The following MCTP1 variants were observed in gnomAD, a reference collection of about 807,000 sequenced individuals.
The protein encoded by MCTP1 is multiple C2 and transmembrane domain-containing protein 1.
In MCTP1, 69 loss-of-function variants were observed where a neutral mutation model predicts 120.6. That is an observed-to-expected ratio of 0.57 (90% confidence interval 0.47 to 0.70). The LOEUF is 0.70. Ranked by LOEUF, MCTP1 falls within the 30% of genes least tolerant of loss-of-function variation. MCTP1 has a pLI of 0.00. For missense variants in MCTP1, 1,203 were observed against 1,248.8 expected (o/e 0.96, Z 0.55); for synonymous variants, 529 against 493.1 (o/e 1.07, Z -0.96).
chr5:94,777,927 C>CGTGTGCGTGTGTGTGT (rs1554095232), intron 19 of MCTP1, among the ~76,000 whole-genome samples: 1 of 148,850 alleles, frequency 6.7e-6, no homozygotes, highest in African/African-American at 2.5e-5. Context: ...AGAAAGTGTG[C>CGTGTGCGTGTGTGTGT]GTGTGTGTGT....
intron 1 of MCTP1, among the ~76,000 whole-genome samples, chr5:95,070,441 T>C (rs1195671790): frequency 2.6e-5 from 4 of 152,238 alleles, no homozygotes; most frequent in African/African-American, 9.6e-5. Flanking sequence ...TTTAGGGACC[T>C]CCAAACCTCT....
At position 95,184,162 on chromosome 5, in the gene MCTP1, T is replaced by TA. The variant is rs761713359; in HGVS notation, c.720+99693dup. On this transcript the variant is annotated intron_variant, in intron 1 of 22. Coordinates refer to ENST00000515393, the MANE Select transcript of MCTP1 (RefSeq NM_024717.7). ...CCCAGATCTTAAAGTATAATAATAA[T>TA]AATAAAAAAAGGAGTTTGGCACTTT... is the stretch of plus-strand genomic sequence containing the variant. Among the ~76,000 whole-genome samples the TA allele has an allele frequency of 1.7e-3, 263 of 151,320 alleles. 2 individuals are homozygous for TA. The highest frequency in any genetic ancestry group is 5.7e-3 in the African/African-American group (235 of 41,300).
intron 2 of MCTP1, among the ~76,000 whole-genome samples, chr5:95,009,943 C>G (rs919658451): frequency 6.6e-6 from 1 of 152,130 alleles, no homozygotes; most frequent in Admixed American, 6.5e-5. Context: ...GTGCCCGTTA[C>G]GTAGAAATGA....
At chr5:94,892,191 A>G (rs563617066) in intron 11 of MCTP1, among the ~76,000 whole-genome samples, 1 of 152,280 alleles carries the variant, frequency 6.6e-6, no homozygotes, top group South Asian at 2.1e-4. Flanking sequence ...GGAGAAAATT[A>G]ATGTCACACC....
chr5:94,953,753 T>TAC (rs1821250202), intron 2 of MCTP1, among the ~76,000 whole-genome samples: 1 of 145,736 alleles, frequency 6.9e-6, no homozygotes, highest in Admixed American at 7.0e-5. Flanking sequence ...TAAAATGTGA[T>TAC]ATATATATAT....
chr5:94,763,697 T>A (rs1440710782), intron 19 of MCTP1, among the ~76,000 whole-genome samples: 2 of 152,190 alleles, frequency 1.3e-5, no homozygotes, highest in African/African-American at 2.4e-5. Flanking sequence ...TCTCAATATA[T>A]GTTTATGGAA....
intron 1 of MCTP1, among the ~76,000 whole-genome samples, chr5:95,215,603 T>G (rs1239143653): frequency 6.6e-6 from 1 of 152,156 alleles, no homozygotes; most frequent in Non-Finnish European, 1.5e-5. Context: ...TGCTATTTTT[T>G]GCTTTTTTAG....
At chr5:94,951,479 T>G (rs1162894068) in intron 3 of MCTP1, among the ~76,000 whole-genome samples, 3 of 152,200 alleles carry the variant, frequency 2.0e-5, no homozygotes, top group Admixed American at 6.5e-5. Flanking sequence ...ACTTCTTTCT[T>G]CTCATGATTT....
At chr5:94,800,333 A>C (rs1322210241) in intron 17 of MCTP1, among the ~76,000 whole-genome samples, 3 of 152,154 alleles carry the variant, frequency 2.0e-5, no homozygotes, top group African/African-American at 7.2e-5. Context: ...GCTGAACCAT[A>C]GCGTAACTGG....
chr5:95,172,848 C>T (rs975408081), intron 1 of MCTP1, among the ~76,000 whole-genome samples: 1 of 152,134 alleles, frequency 6.6e-6, no homozygotes, highest in Non-Finnish European at 1.5e-5. Context: ...TCTCCAAGAG[C>T]TTAGGAATGC....
At chr5:95,218,096 C>G (rs1399393693) in intron 1 of MCTP1, among the ~76,000 whole-genome samples, 1 of 152,194 alleles carries the variant, frequency 6.6e-6, no homozygotes, top group Non-Finnish European at 1.5e-5. Context: ...CACATAGGGA[C>G]TGGTCTGATG....
rs1401030175 is a variant in MCTP1, at chr5:95,000,863, C to A, written c.838+16504G>T. 5.3e-5 allele frequency among the ~76,000 whole-genome samples: 8 copies of A among 152,242 alleles called. No homozygotes were observed. In the East Asian group the frequency reaches 1.5e-3, roughly 29 times the overall value. ...CATCTACTCACTGACTCACCCAGAG[C>A]AACTTGCAATCCTACAAGCACCATT... On this transcript the variant is annotated intron_variant, in intron 2 of 22. Coordinates refer to ENST00000515393, the MANE Select transcript of MCTP1 (RefSeq NM_024717.7).
At chr5:95,036,513 A>C (rs1409594085) in intron 1 of MCTP1, among the ~76,000 whole-genome samples, 1 of 152,208 alleles carries the variant, frequency 6.6e-6, no homozygotes, top group East Asian at 1.9e-4. Flanking sequence ...TTCTCTTGGA[A>C]TAACTCTATA....
chr5:95,164,442 C>G (rs1259394637), intron 1 of MCTP1, among the ~76,000 whole-genome samples: 2 of 152,076 alleles, frequency 1.3e-5, no homozygotes, highest in Non-Finnish European at 2.9e-5. Flanking sequence ...ACAAATCTCT[C>G]CCCCCAAAAA....
intron 1 of MCTP1, among the ~76,000 whole-genome samples, chr5:95,171,151 A>C (rs1430475241): frequency 6.6e-6 from 1 of 152,018 alleles, no homozygotes; most frequent in Admixed American, 6.5e-5. Flanking sequence ...AAAGGATTAT[A>C]TTTCTCCTTC....
chr5:94,856,004 T>C (rs931771751), intron 17 of MCTP1, among the ~76,000 whole-genome samples: 4 of 151,748 alleles, frequency 2.6e-5, no homozygotes, highest in Non-Finnish European at 5.9e-5. Flanking sequence ...CAGTGTAAAA[T>C]TACTTTTTAA....
intron 18 of MCTP1, among the ~76,000 whole-genome samples, chr5:94,798,597 C>T (rs1490328425): frequency 6.6e-6 from 1 of 152,100 alleles, no homozygotes; most frequent in Non-Finnish European, 1.5e-5. Context: ...CTTCATTCTT[C>T]CAATGACCGA....
At chr5:95,063,621 G>A (rs971071722) in intron 1 of MCTP1, among the ~76,000 whole-genome samples, 1 of 152,042 alleles carries the variant, frequency 6.6e-6, no homozygotes, top group Admixed American at 6.6e-5. Context: ...ATTCAGACAG[G>A]GTCTTATTCT....
intron 19 of MCTP1, among the ~76,000 whole-genome samples, chr5:94,763,338 C>T (rs753226450): frequency 4.6e-5 from 7 of 152,204 alleles, no homozygotes; most frequent in African/African-American, 7.2e-5. Context: ...AAAGCCTTCA[C>T]AATCTTAAAT....
Sources: gnomAD v4.1 joint callset for allele counts (sites outside exome capture counted in the v4.1 genomes callset) on GRCh38, gnomAD v4.1.1 for gene constraint, MANE v1.5 for transcripts, NCBI Gene and HGNC (gene_info 2026-07-23, HGNC 2026-07-21) for gene names.